ZNF254: variants seen among roughly 807,000 people sequenced by gnomAD.
ZNF254 encodes zinc finger protein 254, also known as CTD-2017D11.1.
Under a neutral mutation model 12.4 loss-of-function variants are expected in ZNF254, and 10 were observed. The ratio of observed to expected loss-of-function variants is 0.80; its 90% confidence interval spans 0.50 to 1.36. The LOEUF (loss-of-function observed/expected upper bound fraction) is 1.36. Ranked by LOEUF, ZNF254 falls within the 40% of genes most tolerant of loss-of-function variation. ZNF254 has a pLI of 0.00. For missense variants in ZNF254, 996 were observed against 763.9 expected (o/e 1.30, Z -3.58); for synonymous variants, 305 against 253.4 (o/e 1.20, Z -1.93).
At chr19:24,087,702 C>G (rs1318113975) in intron 1 of ZNF254, among the ~76,000 whole-genome samples, 1 of 152,060 alleles carries the variant, frequency 6.6e-6, no homozygotes, top group Admixed American at 6.5e-5. Context: ...CCCAGGCCCT[C>G]TTTTTTCCCA....
At chr19:24,044,482 G>C (rs1400550933) in intron 1 of ZNF254, among the ~76,000 whole-genome samples, 2 of 151,644 alleles carry the variant, frequency 1.3e-5, no homozygotes, top group Non-Finnish European at 2.9e-5. Context: ...AGCTTGCAGG[G>C]AGCCGAGATC....
At chr19:24,111,140 C>T (rs966043853) in intron 3 of ZNF254, among the ~76,000 whole-genome samples, 2 of 136,158 alleles carry the variant, frequency 1.5e-5, no homozygotes, top group Non-Finnish European at 3.1e-5. Context: ...GTGTGATGTT[C>T]CCCTTCCTGT....
intron 2 of ZNF254, among the ~76,000 whole-genome samples, chr19:24,059,476 G>T (rs1441039110): frequency 6.6e-6 from 1 of 152,126 alleles, no homozygotes; most frequent in Non-Finnish European, 1.5e-5. Flanking sequence ...ATTTTCACAG[G>T]GGGCATTGTG....
chr19:24,057,678 T>C (rs937970552), intron 2 of ZNF254, among the ~76,000 whole-genome samples: 4 of 152,168 alleles, frequency 2.6e-5, no homozygotes, highest in Non-Finnish European at 2.9e-5. Flanking sequence ...AGTTGGAAAA[T>C]TTACTCTTAT....
chr19:24,045,762 C>G (rs1373435075), intron 1 of ZNF254, among the ~76,000 whole-genome samples: 1 of 151,708 alleles, frequency 6.6e-6, no homozygotes, highest in East Asian at 1.9e-4. Context: ...CAATAAAGGA[C>G]TCCTGAATTA....
At chr19:24,115,306 A>G (rs1973969539) in intron 3 of ZNF254, among the ~76,000 whole-genome samples, 1 of 152,176 alleles carries the variant, frequency 6.6e-6, no homozygotes, top group Admixed American at 6.5e-5. Flanking sequence ...CTGGATTAAG[A>G]AAATGTGGCA....
chr19:24,076,963 A>G (rs1971681278), intron 2 of ZNF254, among the ~76,000 whole-genome samples: 1 of 152,150 alleles, frequency 6.6e-6, no homozygotes, highest in African/African-American at 2.4e-5. Flanking sequence ...CTACCTCACA[A>G]TTTGCTCAGA....
At chr19:24,085,426 A>ATATATATATATATATATATATAT (rs369443689), upstream of ZNF254, among the ~76,000 whole-genome samples, 123 of 105,610 alleles carry the variant, frequency 1.2e-3, 3 homozygotes, top group East Asian at 2.8e-3. Context: ...ATATATATAT[A>ATATATATATATATATATATATAT]AAAACTAAGA....
At chr19:24,118,350 C>T (rs533610828) in intron 3 of ZNF254, among the ~76,000 whole-genome samples, 1 of 152,052 alleles carries the variant, frequency 6.6e-6, no homozygotes, top group Non-Finnish European at 1.5e-5. Flanking sequence ...CCTCACTTGG[C>T]CAAGGGTTTT....
chr19:24,087,286 G>A lies in ZNF254; in HGVS notation c.-22G>A. 2 of 1,613,294 alleles carry A rather than the reference G, an allele frequency of 1.2e-6. No homozygotes were observed. The highest frequency in any genetic ancestry group is 4.5e-5 in the East Asian group (2 of 44,846). On this transcript the variant is annotated 5_prime_UTR_variant, in exon 1 of 4. Transcript: ENST00000357002. ...GCCTCTGTGGCGCTGTTACCAGCAG[G>A]TATTGGAGATCCACAGCTAAGATGC...
In ZNF254 at chr19:24,087,208, C is replaced by T. The variant is rs1168807701; in HGVS notation, c.-100C>T. 1.7e-5 allele frequency: 26 copies of T among 1,533,258 alleles called. No individual in the cohort carries two copies. Among genetic ancestry groups the T allele is most frequent in the Non-Finnish European group, 1.8e-5 (20 of 1,111,778 alleles). The allele number at this position is 1,533,258 out of a possible 1,614,324, so 95.0% of individuals were successfully genotyped here. ...CGGGGCCTTTGTCTCTCGCTGTCGC[C>T]GGAGTCCCAGGTCTGTCTTCACTGC... On this transcript the variant is annotated 5_prime_UTR_variant, in exon 1 of 4. Transcript: ENST00000357002.
At chr19:24,091,907 T>G in intron 1 of ZNF254, 15 of 849,788 alleles carry the variant, frequency 1.8e-5, no homozygotes, top group South Asian at 5.4e-5. Flanking sequence ...TGAGATGGAG[T>G]CTCGCTCTGT....
intron 3 of ZNF254, among the ~76,000 whole-genome samples, chr19:24,125,417 T>C (rs1974767783): frequency 6.6e-6 from 1 of 152,008 alleles, no homozygotes; most frequent in South Asian, 2.1e-4. Flanking sequence ...ATACATCTTT[T>C]TTATGATTTC....
rs746953138 is a variant in ZNF254, at chr19:24,127,004, C to T, written c.1004C>T (p.Ser335Leu). The T allele has an allele frequency of 6.2e-7, 1 of 1,613,802 alleles. No homozygotes were observed. Among genetic ancestry groups the T allele is most frequent in the Non-Finnish European group, 8.5e-7 (1 of 1,179,854 alleles). Reference protein sequence around the residue: ...EECGKAFIWSSTLTRHKRMHT... With the variant: ...EECGKAFIWSLTLTRHKRMHT... Reference sequence around the variant, plus strand: ...TGTGGCAAAGCATTTATATGGTCCTCAACACTAACTAGACATAAGAGGATG... The same window carrying T: ...TGTGGCAAAGCATTTATATGGTCCTTAACACTAACTAGACATAAGAGGATG... The change falls in exon 4 of 4, where the codon TCA (serine) becomes TTA (leucine). Residue 335 changes from serine (S) to leucine (L), a missense_variant. Ser to Leu is a moderately radical substitution (Grantham distance 145, BLOSUM62 -2). Transcript: ENST00000357002.
At chr19:24,110,305 A>C (rs1864972889) in intron 3 of ZNF254, among the ~76,000 whole-genome samples, 1 of 152,078 alleles carries the variant, frequency 6.6e-6, no homozygotes, top group South Asian at 2.1e-4. Flanking sequence ...TCATATCTTT[A>C]AAACCAGGAT....
intron 3 of ZNF254, among the ~76,000 whole-genome samples, chr19:24,123,273 G>T (rs1163803709): frequency 6.6e-6 from 1 of 152,138 alleles, no homozygotes; most frequent in Non-Finnish European, 1.5e-5. Flanking sequence ...ATAGAAAGTA[G>T]TTCATAGAAG....
upstream of ZNF254, chr19:24,087,092 G>A: frequency 1.9e-6 from 1 of 537,210 alleles, no homozygotes; most frequent in Non-Finnish European, 3.4e-6. Context: ...AGTAGGCGGG[G>A]CCTTAAACGT....
chr19:24,127,570 G>A lies in ZNF254; in HGVS notation c.1570G>A (p.Gly524Ser). The A allele has an allele frequency of 1.2e-6, 2 of 1,613,458 alleles. No individual in the cohort carries two copies. The highest frequency in any genetic ancestry group is 3.3e-4 in the Middle Eastern group (2 of 6,060). The change falls in exon 4 of 4, where the codon GGC becomes AGC. Residue 524 changes from glycine to serine, a missense_variant. By Grantham distance (56) the Gly-to-Ser change is moderately conservative. Transcript: ENST00000357002. ...GEKPYKCEEC[G>S]KAFNWSSTLT... is the part of the protein sequence containing the mutation. ...GAAACCCTACAAATGTGAAGAATGT[G>A]GCAAAGCCTTTAACTGGTCCTCAAC...
At chr19:24,062,534 C>T (rs1971115667) in intron 2 of ZNF254, among the ~76,000 whole-genome samples, 1 of 152,186 alleles carries the variant, frequency 6.6e-6, no homozygotes, top group African/African-American at 2.4e-5. Context: ...GGTTGCAACT[C>T]TCAGGCACAC....
Sources: allele counts gnomAD v4.1 joint callset (sites outside exome capture counted in the v4.1 genomes callset), GRCh38; gene constraint gnomAD v4.1.1; transcripts MANE v1.5; gene names NCBI Gene and HGNC (gene_info 2026-07-23, HGNC 2026-07-21).